The following SYDE2 variants were observed in gnomAD, a reference collection of about 807,000 sequenced individuals.
The protein encoded by SYDE2 is rho GTPase-activating protein SYDE2.
SYDE2 carries 76 observed loss-of-function variants against 91.5 expected under a neutral mutation model. That is an observed-to-expected ratio of 0.83 (90% CI 0.69 to 1.01). The LOEUF (loss-of-function observed/expected upper bound fraction) is 1.01, where lower values mean the gene tolerates loss of function less well. Ranked by LOEUF, SYDE2 falls within the 50% of genes least tolerant of loss-of-function variation. The pLI, the probability that SYDE2 is intolerant of heterozygous loss-of-function variation, is 0.00. For missense variants in SYDE2, 1,364 were observed against 1,367.7 expected, an observed-to-expected ratio of 1.00 and a Z score of 0.04; for synonymous variants, 513 against 506.4, an observed-to-expected ratio of 1.01 and a Z score of -0.18.
At chr1:85,184,300 T>C (rs817447) in intron 2 of SYDE2, among the ~76,000 whole-genome samples, 17,040 of 152,088 alleles carry the variant, frequency 0.11, 1,186 homozygotes, top group African/African-American at 0.19. Context: ...AAATGCAACA[T>C]AGAAATTAAC....
At chr1:85,173,764 G>A (rs781724633) in intron 4 of SYDE2, among the ~76,000 whole-genome samples, 1 of 151,966 alleles carries the variant, frequency 6.6e-6, no homozygotes, top group Non-Finnish European at 1.5e-5. Context: ...TAAAATCAAT[G>A]GAAACCAACC....
intron 3 of SYDE2, among the ~76,000 whole-genome samples, chr1:85,179,514 T>C (rs1657830603): frequency 6.6e-6 from 1 of 152,162 alleles, no homozygotes; most frequent in Non-Finnish European, 1.5e-5. Flanking sequence ...CAAGAGGTGA[T>C]AATGCAAGGT....
chr1:85,174,091 A>G (rs1657601685), intron 4 of SYDE2, among the ~76,000 whole-genome samples: 1 of 152,244 alleles, frequency 6.6e-6, no homozygotes, highest in Non-Finnish European at 1.5e-5. Context: ...CACATAACGT[A>G]AAATGGCCTA....
chr1:85,180,603 T>A (rs972984422), intron 3 of SYDE2, among the ~76,000 whole-genome samples: 2 of 151,826 alleles, frequency 1.3e-5, no homozygotes, highest in African/African-American at 4.8e-5. Flanking sequence ...TGAGGCAGAA[T>A]TGCTTGAACC....
chr1:85,179,635 T>G (rs1657834718), intron 3 of SYDE2, among the ~76,000 whole-genome samples: 1 of 152,192 alleles, frequency 6.6e-6, no homozygotes, highest in Non-Finnish European at 1.5e-5. Flanking sequence ...GAGAATGGAA[T>G]GAGTTATGCT....
intron 2 of SYDE2, among the ~76,000 whole-genome samples, chr1:85,189,378 A>G (rs1171066965): frequency 6.6e-6 from 1 of 152,224 alleles, no homozygotes; most frequent in Non-Finnish European, 1.5e-5. Context: ...GTACACTAAA[A>G]ACAAAACTTT....
rs141524725 is a variant in SYDE2 at position 85,193,700 on chromosome 1, G to A, written c.746-2948C>T. Among the ~76,000 whole-genome samples, 23 of 151,978 alleles carry A rather than the reference G, an allele frequency of 1.5e-4. No homozygotes were observed. The East Asian group carries it at 3.3e-3, about 22-fold the overall frequency. On this transcript the variant is annotated intron_variant, in intron 1 of 6. Coordinates refer to ENST00000341460, the MANE Select transcript of SYDE2 (RefSeq NM_032184.2). ...GCACAGTGGCACCATTATGGCTCACGGCAACCTCAACCTCCCAGGCGCAAG... is the reference window on the plus strand; with the variant it reads ...GCACAGTGGCACCATTATGGCTCACAGCAACCTCAACCTCCCAGGCGCAAG...
In SYDE2 at chr1:85,182,223, T is replaced by C. The variant is rs750717502; in HGVS notation, c.2419A>G (p.Ile807Val). 6.2e-7 allele frequency: 1 copy of C among 1,609,714 alleles called. No homozygotes were observed. The highest frequency in any genetic ancestry group is 8.5e-7 in the Non-Finnish European group (1 of 1,178,438). ...QWENSLHGLD[I>V]NQEPIIFGVD... Reference sequence around the variant, plus strand: ...CCAAATATTATTGGTTCTTGGTTTATATCTAGTCCATGAAGAGAATTCTCC... The same window carrying C: ...CCAAATATTATTGGTTCTTGGTTTACATCTAGTCCATGAAGAGAATTCTCC... Residue 807 changes from isoleucine (I) to valine (V), a missense_variant, in exon 3 of 7, where the codon ATA becomes GTA. Ile to Val is a conservative substitution (Grantham distance 29, BLOSUM62 3). Transcript: ENST00000341460.
At chr1:85,198,554 C>G (rs1019794116) in intron 1 of SYDE2, among the ~76,000 whole-genome samples, 1 of 152,142 alleles carries the variant, frequency 6.6e-6, no homozygotes, top group African/African-American at 2.4e-5. Context: ...AAAATATTAT[C>G]ACATAATAAT....
At chr1:85,168,990 G>A in intron 5 of SYDE2, 54 bp downstream of exon 5, 1 of 1,440,328 alleles carries the variant, frequency 6.9e-7, no homozygotes, top group African/African-American at 1.4e-5. Flanking sequence ...TCTGGAGGTA[G>A]GTATACAGTT....
rs1656914749 is a variant in SYDE2, at chr1:85,157,666, T to C, written c.*1084A>G. On this transcript the variant is annotated 3_prime_UTR_variant, in exon 7 of 7. Transcript: ENST00000341460. Reference sequence around the variant, plus strand: ...TGAATAAAGGAAAGAAAGTCTATTATTTCTATTCAGATGCTTCTAGAGTAT... The same window carrying C: ...TGAATAAAGGAAAGAAAGTCTATTACTTCTATTCAGATGCTTCTAGAGTAT... The C allele has an allele frequency of 6.6e-6, 1 of 152,178 alleles. No individual in the cohort carries two copies. Among genetic ancestry groups the C allele is most frequent in the South Asian group, 2.1e-4 (1 of 4,832 alleles). 9.4% of individuals were successfully genotyped at this position (152,178 alleles called of 1,614,324 possible). A position where few individuals can be genotyped will look rare whatever the true frequency, so the allele number is the denominator to read the frequency against.
chr1:85,174,173 T>C (rs1239984175), intron 4 of SYDE2, among the ~76,000 whole-genome samples: 1 of 151,992 alleles, frequency 6.6e-6, no homozygotes, highest in Non-Finnish European at 1.5e-5. Context: ...CAAAAACAGT[T>C]TGAAGAAAAA....
intron 5 of SYDE2, among the ~76,000 whole-genome samples, chr1:85,166,976 C>T (rs537588123): frequency 3.9e-5 from 6 of 152,024 alleles, no homozygotes; most frequent in South Asian, 4.1e-4. Context: ...TTTGGGAGGT[C>T]GAGGCGGGTA....
chr1:85,178,110 C>A, intron 4 of SYDE2, 36 bp downstream of exon 4: 1 of 1,492,552 alleles, frequency 6.7e-7, no homozygotes, highest in South Asian at 1.3e-5. Context: ...TGTAGTCTTT[C>A]CAGAAAGAGT....
chr1:85,189,279 G>A (rs182441995), intron 2 of SYDE2, among the ~76,000 whole-genome samples: 369 of 152,154 alleles, frequency 2.4e-3, no homozygotes, highest in Admixed American at 6.2e-3. Context: ...ATTTGCAAGG[G>A]ACTTACTTCT....
intron 6 of SYDE2, chr1:85,159,719 G>T: frequency 2.3e-6 from 1 of 437,664 alleles, no homozygotes; most frequent in Non-Finnish European, 3.0e-6. Flanking sequence ...TCCGACCCTT[G>T]TGGGCTTTTC....
At position 85,169,704 on chromosome 1, in the gene SYDE2, G is replaced by A. The variant is rs17122618; in HGVS notation, c.2672-479C>T. On this transcript the variant is annotated intron_variant, in intron 4 of 6. Transcript: ENST00000341460. ...ATAAATACATTTCCTCTTTAACACTGGAGAAATGTCTTAAACCGATATATT... is the reference window on the plus strand; with the variant it reads ...ATAAATACATTTCCTCTTTAACACTAGAGAAATGTCTTAAACCGATATATT... 2.9e-3 allele frequency among the ~76,000 whole-genome samples: 445 copies of A among 152,250 alleles called. 2 individuals are homozygous for A. Among genetic ancestry groups the A allele is most frequent in the African/African-American group, 0.01 (429 of 41,544 alleles).
rs1187233827 is a variant in SYDE2, at chr1:85,178,367, C to T, written c.2545-95G>A. 3.5e-6 allele frequency: 4 copies of T among 1,133,036 alleles called. No individual in the cohort carries two copies. In the African/African-American group the frequency reaches 4.7e-5, roughly 13 times the overall value. 70.2% of individuals were successfully genotyped at this position (1,133,036 alleles called of 1,614,324 possible). A position where few individuals can be genotyped will look rare whatever the true frequency, so the allele number is the denominator to read the frequency against. ...CATGAACTTTGCAATCAAATATGTT[C>T]TGATGTCATTTAATTTTAAATACCT... is the stretch of plus-strand genomic sequence containing the variant. On this transcript the variant is annotated intron_variant, in intron 3 of 6. Transcript: ENST00000341460.
chr1:85,155,492 A>T (rs569805419), downstream of SYDE2, among the ~76,000 whole-genome samples: 116 of 152,016 alleles, frequency 7.6e-4, 2 homozygotes, highest in Middle Eastern at 3.4e-3. Flanking sequence ...ATTTTTTTTA[A>T]AAAAAAAGAA....
Sources: allele counts gnomAD v4.1 joint callset (sites outside exome capture counted in the v4.1 genomes callset), GRCh38; gene constraint gnomAD v4.1.1; transcripts MANE v1.5; gene names NCBI Gene and HGNC (gene_info 2026-07-23, HGNC 2026-07-21).